RIT2: variants seen among roughly 807,000 people sequenced by gnomAD.
RIT2 encodes the protein GTP-binding protein Rit2.
In RIT2, 24 loss-of-function variants were observed where a neutral mutation model predicts 23.7. The ratio of observed to expected loss-of-function variants is 1.01; its 90% confidence interval spans 0.73 to 1.43. The LOEUF is 1.43. Among genes scored for constraint, RIT2 ranks in the 40% most tolerant of loss-of-function variants. The probability of loss-of-function intolerance (pLI) is 0.00; values close to 1 mark genes in which losing one functional copy is unlikely to be tolerated. For synonymous variants in RIT2, 107 were observed against 91.1 expected (o/e 1.17, Z -0.99); for missense variants, 236 against 266.9 (o/e 0.88, Z 0.81).
chr18:42,889,097 T>A (rs79901719), intron 4 of RIT2, among the ~76,000 whole-genome samples: 1 of 151,910 alleles, frequency 6.6e-6, no homozygotes, highest in Admixed American at 6.6e-5. Context: ...TTAAAAAGAT[T>A]GAAAAAACTA....
At chr18:43,113,298 A>G (rs1158108006) in intron 1 of RIT2, among the ~76,000 whole-genome samples, 1 of 152,210 alleles carries the variant, frequency 6.6e-6, no homozygotes, top group Non-Finnish European at 1.5e-5. Context: ...AAATTGTAGT[A>G]TGAGAAATAT....
chr18:43,042,861 T>A (rs1315176101), intron 1 of RIT2, among the ~76,000 whole-genome samples: 1 of 152,138 alleles, frequency 6.6e-6, no homozygotes, highest in Non-Finnish European at 1.5e-5. Context: ...AAAATTATTA[T>A]AGCACTGTTA....
chr18:42,759,903 G>C (rs187918362), intron 4 of RIT2, among the ~76,000 whole-genome samples: 2 of 151,950 alleles, frequency 1.3e-5, no homozygotes, highest in East Asian at 3.9e-4. Context: ...TCAGCTTCCT[G>C]AGTAGCTGAG....
intron 4 of RIT2, among the ~76,000 whole-genome samples, chr18:42,866,863 G>T (rs1028257376): frequency 6.6e-6 from 1 of 152,014 alleles, no homozygotes; most frequent in African/African-American, 2.4e-5. Context: ...CCTCATTATA[G>T]AGTCATAGTT....
intron 4 of RIT2, among the ~76,000 whole-genome samples, chr18:42,744,815 ATGGG>A (rs1435217327): frequency 6.6e-6 from 1 of 152,206 alleles, no homozygotes. Flanking sequence ...CACCACCATT[ATGGG>A]TAAATAAGTC....
intron 2 of RIT2, among the ~76,000 whole-genome samples, chr18:43,005,213 G>T (rs1911199209): frequency 6.6e-6 from 1 of 151,686 alleles, no homozygotes; most frequent in Non-Finnish European, 1.5e-5. Context: ...GGTAATCAAA[G>T]CTTGAGAATA....
At chr18:43,065,733 G>A (rs574859671) in intron 1 of RIT2, among the ~76,000 whole-genome samples, 48 of 152,156 alleles carry the variant, frequency 3.2e-4, no homozygotes, top group Non-Finnish European at 4.7e-4. Context: ...GACAAAGATC[G>A]TAGAACTAGG....
chr18:42,911,379 G>A (rs1240275015), intron 4 of RIT2, among the ~76,000 whole-genome samples: 2 of 151,712 alleles, frequency 1.3e-5, no homozygotes, highest in Non-Finnish European at 2.9e-5. Flanking sequence ...AAAACTAAAA[G>A]CCAATTCATC....
chr18:43,003,591 C>G (rs1002709004), intron 2 of RIT2, among the ~76,000 whole-genome samples: 6 of 151,846 alleles, frequency 4.0e-5, no homozygotes, highest in Middle Eastern at 3.2e-3. Flanking sequence ...TTAATTGACT[C>G]TGGTACCAAT....
intron 4 of RIT2, among the ~76,000 whole-genome samples, chr18:42,782,499 A>C (rs1432070891): frequency 1.3e-5 from 2 of 152,108 alleles, no homozygotes; most frequent in Non-Finnish European, 2.9e-5. Context: ...AGAAAGATAG[A>C]TGGATAGATT....
intron 2 of RIT2, among the ~76,000 whole-genome samples, chr18:42,994,507 C>T (rs1910931286): frequency 6.6e-6 from 1 of 152,080 alleles, no homozygotes; most frequent in Admixed American, 6.6e-5. Flanking sequence ...TAGCTGACCC[C>T]ATAGATCCTA....
chr18:42,885,715 G>C (rs1372242727), intron 4 of RIT2, among the ~76,000 whole-genome samples: 1 of 152,130 alleles, frequency 6.6e-6, no homozygotes, highest in Non-Finnish European at 1.5e-5. Context: ...TTTTCATATT[G>C]TAGGACTTTC....
At chr18:42,776,867 G>A (rs1295465153) in intron 4 of RIT2, among the ~76,000 whole-genome samples, 1 of 152,074 alleles carries the variant, frequency 6.6e-6, no homozygotes, top group Admixed American at 6.5e-5. Context: ...CATTATCAGA[G>A]TTACATTTTC....
chr18:42,871,435 A>G (rs974933533), intron 4 of RIT2, among the ~76,000 whole-genome samples: 5 of 152,198 alleles, frequency 3.3e-5, no homozygotes, highest in African/African-American at 1.2e-4. Flanking sequence ...CTAAATAATT[A>G]AACACATTTT....
chr18:42,875,672 T>C (rs1415024539), intron 4 of RIT2, among the ~76,000 whole-genome samples: 2 of 152,042 alleles, frequency 1.3e-5, no homozygotes, highest in African/African-American at 4.8e-5. Flanking sequence ...TTATTACCAG[T>C]ACAGATAGCT....
At chr18:42,988,501 T>C (rs1216144544) in intron 2 of RIT2, among the ~76,000 whole-genome samples, 1 of 152,200 alleles carries the variant, frequency 6.6e-6, no homozygotes, top group Non-Finnish European at 1.5e-5. Flanking sequence ...AACAGAATGA[T>C]GTTGAAGGAC....
intron 2 of RIT2, among the ~76,000 whole-genome samples, 167 bp downstream of exon 2, chr18:43,033,644 C>T (rs1206906656): frequency 6.6e-6 from 1 of 152,086 alleles, no homozygotes; most frequent in Non-Finnish European, 1.5e-5. Context: ...CAAATACTGT[C>T]TCTTGAAGCT....
At chr18:42,845,324 A>C (rs1421316969) in intron 4 of RIT2, among the ~76,000 whole-genome samples, 1 of 151,974 alleles carries the variant, frequency 6.6e-6, no homozygotes, top group Non-Finnish European at 1.5e-5. Flanking sequence ...GAAGAGGTCA[A>C]ATATGTTTCC....
chr18:42,913,263 C>A (rs1466828967), intron 4 of RIT2, among the ~76,000 whole-genome samples: 3 of 144,304 alleles, frequency 2.1e-5, no homozygotes, highest in African/African-American at 7.7e-5. Context: ...AAATGTGAAA[C>A]AAAATGATAG....
Sources: allele counts gnomAD v4.1 joint callset (sites outside exome capture counted in the v4.1 genomes callset), GRCh38; gene constraint gnomAD v4.1.1; transcripts MANE v1.5; gene names NCBI Gene and HGNC (gene_info 2026-07-23, HGNC 2026-07-21).